AKT2: variants seen among roughly 807,000 people sequenced by gnomAD.
The protein encoded by AKT2 is AKT serine/threonine kinase 2.
A neutral mutation model predicts 58.6 loss-of-function variants in AKT2; 16 were observed. The ratio of observed to expected loss-of-function variants is 0.27; its 90% CI spans 0.18 to 0.41. The LOEUF is 0.41. Among genes scored for constraint, AKT2 ranks in the 10% least tolerant of loss-of-function variants. The pLI, the probability that AKT2 is intolerant of heterozygous loss-of-function variation, is 1.00. For synonymous variants in AKT2, 253 were observed against 254.0 expected, an observed-to-expected ratio of 1.00 and a Z score of 0.04; for missense variants, 438 against 661.0, an observed-to-expected ratio of 0.66 and a Z score of 3.70.
rs961831147 is a variant in AKT2 at position 40,233,210 on chromosome 19, C to T, written c.*662G>A. On this transcript the variant is annotated 3_prime_UTR_variant, in exon 14 of 14. Transcript: ENST00000392038. The surrounding 1 kb of genome is among the most constrained non-coding windows in gnomAD (Gnocchi z 4.3). ...GAGGACAGTTTGGTGGGGAGGAGGCCGGACCAGGAGGCGGCACCCAGCCCG... is the reference window on the plus strand; with the variant it reads ...GAGGACAGTTTGGTGGGGAGGAGGCTGGACCAGGAGGCGGCACCCAGCCCG... 4 of 265,126 alleles carry T rather than the reference C, an allele frequency of 1.5e-5. No individual in the cohort carries two copies. Among genetic ancestry groups the T allele is most frequent in the African/African-American group, 6.5e-5 (3 of 46,162 alleles). The allele number at this position is 265,126 out of a possible 1,614,324, so 16.4% of individuals were successfully genotyped here.
intron 4 of AKT2, among the ~76,000 whole-genome samples, chr19:40,250,144 T>C (rs962549525): frequency 6.6e-6 from 1 of 152,196 alleles, no homozygotes; most frequent in Non-Finnish European, 1.5e-5. Context: ...AGCACGGACC[T>C]TGGAGTTTAC....
At chr19:40,255,059 C>T (rs1975440530) in intron 4 of AKT2, 99 bp downstream of exon 4, 1 of 982,722 alleles carries the variant, frequency 1.0e-6, no homozygotes, top group Admixed American at 1.8e-5. Context: ...TAGGAAACCC[C>T]TATGTAGGGT....
chr19:40,275,035 T>C (rs1212966287), intron 1 of AKT2: 1 of 456,306 alleles, frequency 2.2e-6, no homozygotes, highest in East Asian at 7.0e-5. Flanking sequence ...CCTGCCTCAC[T>C]TGAGAACCAT....
In AKT2 at chr19:40,238,914, G is replaced by A. The variant is rs765477884; in HGVS notation, c.699C>T (p.Asn233=). ...GGCAGCCGCGGCTCACCTCACCCCC[G>A]TTGGCATACTCCATCACAAAGCACA... The part of the protein sequence containing the change: ...DRLCFVMEYA[N]GGELFFHLSR... Residue 233 remains asparagine, a synonymous_variant, in exon 8 of 14, where the codon AAC becomes AAT. Transcript: ENST00000392038. This position sits in a 1 kb window ranked among gnomAD's most constrained non-coding sequence, Gnocchi z 5.1. 6.8e-5 allele frequency: 110 copies of A among 1,613,888 alleles called. No individual in the cohort carries two copies. The highest frequency in any genetic ancestry group is 8.3e-5 in the Non-Finnish European group (98 of 1,180,006).
In AKT2 at chr19:40,238,074, G is replaced by A. The variant is rs2145178842; in HGVS notation, c.726C>T (p.Ser242=). 1.2e-6 allele frequency: 2 copies of A among 1,600,742 alleles called. No homozygotes were observed. Among genetic ancestry groups the A allele is most frequent in the Non-Finnish European group, 1.7e-6 (2 of 1,173,910 alleles). The stretch of plus-strand genomic sequence containing the variant: ...GCTCCTCTGTGAAGACACGCTCCCG[G>A]GACAGGTGGAAGAACAGCTGCAGGA... ...ANGGELFFHL[S]RERVFTEERA... Residue 242 remains serine (S), a synonymous_variant, in exon 9 of 14, where the codon TCC becomes TCT. Transcript: ENST00000392038. The surrounding 1 kb of genome is among the most constrained non-coding windows in gnomAD (Gnocchi z 5.1).
At position 40,234,626 on chromosome 19, in the gene AKT2, G is replaced by A. The variant is rs913107188; in HGVS notation, c.1366+419C>T. 15 of 462,160 alleles carry A rather than the reference G, an allele frequency of 3.2e-5. No homozygotes were observed. The highest frequency in any genetic ancestry group is 2.6e-4 in the African/African-American group (13 of 50,840). 28.6% of individuals were successfully genotyped at this position (462,160 alleles called of 1,614,324 possible). The stretch of plus-strand genomic sequence containing the variant: ...GATTCCCCAGTCCCTGGCCTCCCAC[G>A]CCCTAGCCCTGACCACTCCAGGCCG... On this transcript the variant is annotated intron_variant, in intron 13 of 13. Transcript: ENST00000392038. The surrounding 1 kb of genome is among the most constrained non-coding windows in gnomAD (Gnocchi z 4.7).
intron 1 of AKT2, chr19:40,275,528 A>G (rs1435012539): frequency 2.8e-6 from 1 of 361,590 alleles, no homozygotes; most frequent in Non-Finnish European, 5.5e-6. Context: ...GGAGAGAGCC[A>G]CATGCACACA....
rs1974194460 is a variant in AKT2 at position 40,238,859 on chromosome 19, A to G, written c.708+46T>C. ...GCTCCTCTCCATCCCGCCCCACCCT[A>G]AAGAAGGAGGCCCCAGAGGGCAAAG... On this transcript the variant is annotated intron_variant, in intron 8 of 13. Coordinates refer to ENST00000392038, the MANE Select transcript of AKT2 (RefSeq NM_001626.6). The surrounding 1 kb of genome is among the most constrained non-coding windows in gnomAD (Gnocchi z 5.1). The G allele has an allele frequency of 6.3e-7, 1 of 1,583,116 alleles. No homozygotes were observed. The highest frequency in any genetic ancestry group is 8.7e-7 in the Non-Finnish European group (1 of 1,152,498).
rs760627146 is a variant in AKT2 at position 40,235,877 on chromosome 19, C to A, written c.1175+13G>T. 3.1e-6 allele frequency: 5 copies of A among 1,600,472 alleles called. No individual in the cohort carries two copies. The highest frequency in any genetic ancestry group is 4.3e-6 in the Non-Finnish European group (5 of 1,175,992). On this transcript the variant is annotated intron_variant, in intron 11 of 13. Transcript: ENST00000392038. This position sits in a 1 kb window ranked among gnomAD's most constrained non-coding sequence, Gnocchi z 6.3. ...CTGGCGCTGGGCTGGGTGGGGCCGA[C>A]GCCAGCCCTCACCTCTGCTTGGGGT...
intron 6 of AKT2, chr19:40,240,362 G>A (rs927531051): frequency 2.9e-6 from 2 of 687,988 alleles, no homozygotes; most frequent in African/African-American, 3.5e-5. Flanking sequence ...AGGCTGCTAG[G>A]GACAAGACAC....
chr19:40,260,588 CCA>C (rs1568554902), intron 2 of AKT2, among the ~76,000 whole-genome samples: 1 of 126,620 alleles, frequency 7.9e-6, no homozygotes, highest in African/African-American at 3.1e-5. Context: ...CGAGATCACG[CCA>C]CTGCACTCCA....
intron 2 of AKT2, among the ~76,000 whole-genome samples, chr19:40,257,707 A>G (rs574606887): frequency 2.3e-4 from 35 of 152,296 alleles, no homozygotes; most frequent in African/African-American, 8.2e-4. Context: ...TGTCCTCAAC[A>G]GCATTATTCA....
intron 1 of AKT2, chr19:40,279,274 T>C (rs2077380640): frequency 6.6e-6 from 1 of 152,432 alleles, no homozygotes; most frequent in Admixed American, 6.5e-5. Context: ...GAGTTGGCAG[T>C]GGGTCCTGCC....
intron 1 of AKT2, among the ~76,000 whole-genome samples, chr19:40,270,180 C>CCCCTTA (rs1976608999): frequency 1.3e-5 from 2 of 152,226 alleles, no homozygotes; most frequent in African/African-American, 4.8e-5. Flanking sequence ...CACCCTACCT[C>CCCCTTA]CCCTTACCCT....
At chr19:40,257,174 G>A (rs950883273) in intron 2 of AKT2, 120 bp from the exon 3 acceptor site, 7 of 1,335,542 alleles carry the variant, frequency 5.2e-6, no homozygotes, top group East Asian at 4.7e-5. Flanking sequence ...GCGGGGAGGT[G>A]CGGGGGACAC....
rs1973836538 is a variant in AKT2 at position 40,233,720 on chromosome 19, G to C, written c.*152C>G. 1.2e-6 allele frequency: 1 copy of C among 815,810 alleles called. No homozygotes were observed. The highest frequency in any genetic ancestry group is 2.1e-6 in the Non-Finnish European group (1 of 472,472). The allele number at this position is 815,810 out of a possible 1,614,324, so 50.5% of individuals were successfully genotyped here. On this transcript the variant is annotated 3_prime_UTR_variant, in exon 14 of 14. Transcript: ENST00000392038. The surrounding 1 kb of genome is among the most constrained non-coding windows in gnomAD (Gnocchi z 4.3). ...GGCAGGGGCTGCAGGGGCCGCTGGG[G>C]TGCGTCTGGGAGGGGCCTGAAGAAG...
chr19:40,239,981 C>G lies in AKT2; in HGVS notation c.639+64G>C, dbSNP rs1026220833. ...TGTGCTTTGTACCAGAAGATTAGGGCTCTCTCTCTGAGCTCTGTCCAAAGG... is the reference window on the plus strand; with the variant it reads ...TGTGCTTTGTACCAGAAGATTAGGGGTCTCTCTCTGAGCTCTGTCCAAAGG... On this transcript the variant is annotated intron_variant, in intron 7 of 13. Coordinates refer to ENST00000392038, the MANE Select transcript of AKT2 (RefSeq NM_001626.6). The G allele has an allele frequency of 1.9e-6, 3 of 1,561,072 alleles. No homozygotes were observed. In the East Asian group the frequency reaches 6.7e-5, roughly 35 times the overall value.
intron 4 of AKT2, among the ~76,000 whole-genome samples, chr19:40,250,066 G>A (rs1975036516): frequency 6.6e-6 from 1 of 152,228 alleles, no homozygotes; most frequent in African/African-American, 2.4e-5. Flanking sequence ...ACGTGGCTAA[G>A]TGAGGGTGCT....
At chr19:40,274,887 G>A (rs1006647481) in intron 1 of AKT2, 5 of 359,564 alleles carry the variant, frequency 1.4e-5, no homozygotes, top group East Asian at 1.5e-4. Flanking sequence ...CGCCTGAGGC[G>A]AGCTGGGGAG....
Sources: allele counts gnomAD v4.1 joint callset (sites outside exome capture counted in the v4.1 genomes callset), GRCh38; gene constraint gnomAD v4.1.1; non-coding constraint Gnocchi (gnomAD v3.1); transcripts MANE v1.5; gene names NCBI Gene and HGNC (gene_info 2026-07-23, HGNC 2026-07-21).